The following PCDH15 variants were observed in gnomAD, a reference collection of about 807,000 sequenced individuals.
PCDH15 encodes protocadherin related 15, also known as protocadherin-15.
Under a neutral mutation model 178.5 loss-of-function variants are expected in PCDH15, and 129 were observed. The ratio of observed to expected loss-of-function variants is 0.72; its 90% CI spans 0.63 to 0.84. The LOEUF (loss-of-function observed/expected upper bound fraction) is 0.84. PCDH15 is among the 40% of genes least tolerant of loss of function. The pLI is 0.00. For missense variants in PCDH15, 2,230 were observed against 2,099.9 expected (o/e 1.06, Z -1.21); for synonymous variants, 800 against 732.0 (o/e 1.09, Z -1.50).
In PCDH15 at chr10:55,257,656, G is replaced by A. The variant is rs190105460; in HGVS notation, c.-156+61943C>T. On this transcript the variant is annotated intron_variant, in intron 1 of 5. Transcript: ENST00000458638. Reference sequence around the variant, plus strand: ...AGATCAAATGAATGAAATGAAGTGAGAAGAGAACTTTAGAGAAAAAAGAAT... The same window carrying A: ...AGATCAAATGAATGAAATGAAGTGAAAAGAGAACTTTAGAGAAAAAAGAAT... Among the ~76,000 whole-genome samples the A allele has an allele frequency of 1.4e-4, 22 of 152,316 alleles. No homozygotes were observed. The East Asian group carries it at 4.3e-3, about 29-fold the overall frequency.
At chr10:54,608,483 C>T (rs939981085) in intron 2 of PCDH15, among the ~76,000 whole-genome samples, 5 of 151,806 alleles carry the variant, frequency 3.3e-5, no homozygotes, top group East Asian at 3.9e-4. Context: ...TGGTGACACA[C>T]GCCTATAGTT....
chr10:53,805,869 T>TATC lies in PCDH15; in HGVS notation c.*707_*709dup, dbSNP rs1554814323. ...CTCAAGTGATTAAACTAAACTAAAGTATCTACCATATTTGATATGAGATGA... is the reference window on the plus strand; with the variant it reads ...CTCAAGTGATTAAACTAAACTAAAGTATCATCTACCATATTTGATATGAGATGA... On this transcript the variant is annotated 3_prime_UTR_variant, in exon 38 of 38. Transcript: ENST00000644397. 3 of 152,060 alleles carry TATC rather than the reference T, an allele frequency of 2.0e-5. No individual in the cohort carries two copies. Among genetic ancestry groups the TATC allele is most frequent in the African/African-American group, 4.8e-5 (2 of 41,404 alleles). The allele number at this position is 152,060 out of a possible 1,614,324, so 9.4% of individuals were successfully genotyped here.
chr10:55,504,784 A>G (rs1291414384), intron 2 of PCDH15, among the ~76,000 whole-genome samples: 1 of 151,406 alleles, frequency 6.6e-6, no homozygotes, highest in Non-Finnish European at 1.5e-5. Context: ...ATAATTCAAC[A>G]AATATTTTCT....
intron 2 of PCDH15, among the ~76,000 whole-genome samples, chr10:54,900,384 G>T (rs564832660): frequency 3.9e-5 from 6 of 152,278 alleles, no homozygotes; most frequent in South Asian, 2.1e-4. Context: ...AAACAGGGCA[G>T]ATTGAAGGAG....
At chr10:53,875,637 T>C (rs2080177247) in intron 26 of PCDH15, among the ~76,000 whole-genome samples, 1 of 152,006 alleles carries the variant, frequency 6.6e-6, no homozygotes, top group Non-Finnish European at 1.5e-5. Context: ...TAGTCTAGAG[T>C]TCTTTTAAAA....
chr10:54,007,577 A>C (rs2660179), intron 20 of PCDH15, among the ~76,000 whole-genome samples: 3,278 of 152,260 alleles, frequency 0.022, 97 homozygotes, highest in African/African-American at 0.072. Context: ...TTTGATCATC[A>C]CAGGTTTTGT....
At chr10:54,210,864 C>A (rs929806374) in intron 10 of PCDH15, among the ~76,000 whole-genome samples, 1 of 151,708 alleles carries the variant, frequency 6.6e-6, no homozygotes, top group Non-Finnish European at 1.5e-5. Context: ...AAACATGAAA[C>A]AATTATGCTT....
At chr10:54,886,841 A>G (rs540028466) in intron 3 of PCDH15, among the ~76,000 whole-genome samples, 52 of 152,382 alleles carry the variant, frequency 3.4e-4, no homozygotes, top group Admixed American at 4.6e-4. Flanking sequence ...TTGAAAGGCA[A>G]TAAATAGGCT....
At chr10:54,724,207 T>C (rs1280621240) in intron 1 of PCDH15, among the ~76,000 whole-genome samples, 3 of 151,600 alleles carry the variant, frequency 2.0e-5, no homozygotes, top group Non-Finnish European at 4.4e-5. Context: ...TGTGCAGCCA[T>C]TAAAAAGAAT....
intron 1 of PCDH15, among the ~76,000 whole-genome samples, chr10:55,173,622 C>A (rs965937521): frequency 2.0e-5 from 3 of 151,922 alleles, no homozygotes; most frequent in African/African-American, 7.2e-5. Context: ...TATTGTATAA[C>A]TTTTTAGCAT....
chr10:53,879,987 G>A (rs768393419), intron 26 of PCDH15, among the ~76,000 whole-genome samples: 8 of 152,152 alleles, frequency 5.3e-5, no homozygotes, highest in Admixed American at 2.6e-4. Flanking sequence ...TTTGCTTCAT[G>A]ATAAGCTGAT....
chr10:54,418,634 TTATTA>T (rs1405963202), intron 3 of PCDH15, among the ~76,000 whole-genome samples: 2 of 151,896 alleles, frequency 1.3e-5, no homozygotes, highest in Middle Eastern at 3.2e-3. Flanking sequence ...TGTAACTTTT[TTATTA>T]TATTAGTCAA....
chr10:55,544,160 A>ATATG (rs1554795200), intron 2 of PCDH15, among the ~76,000 whole-genome samples: 4 of 141,386 alleles, frequency 2.8e-5, no homozygotes, highest in African/African-American at 1.0e-4. Context: ...ATATATATAT[A>ATATG]TATATATATA....
chr10:54,858,281 C>G (rs1389133775), intron 3 of PCDH15, among the ~76,000 whole-genome samples: 3 of 152,142 alleles, frequency 2.0e-5, no homozygotes, highest in Admixed American at 2.0e-4. Flanking sequence ...GTTGTGTATA[C>G]ATACTACGAT....
At chr10:54,599,499 A>T (rs2092424269) in intron 2 of PCDH15, among the ~76,000 whole-genome samples, 1 of 152,130 alleles carries the variant, frequency 6.6e-6, no homozygotes, top group South Asian at 2.1e-4. Context: ...CATATACAAA[A>T]ATCAATTCAA....
chr10:54,147,789 C>T (rs956367617), intron 14 of PCDH15, among the ~76,000 whole-genome samples: 2 of 151,878 alleles, frequency 1.3e-5, no homozygotes, highest in African/African-American at 4.8e-5. Context: ...ATCATTGCTA[C>T]TAAACAATTA....
chr10:54,429,324 A>C (rs747581731), intron 3 of PCDH15, among the ~76,000 whole-genome samples: 3 of 152,164 alleles, frequency 2.0e-5, no homozygotes, highest in Admixed American at 6.6e-5. Context: ...CAAATTGAAA[A>C]AATTACAGCA....
At chr10:54,164,641 A>C (rs764373474) in intron 13 of PCDH15, among the ~76,000 whole-genome samples, 6 of 152,188 alleles carry the variant, frequency 3.9e-5, no homozygotes, top group Admixed American at 6.5e-5. Flanking sequence ...GGGAATTCCA[A>C]CTTCTTAGTG....
chr10:54,477,187 A>G (rs1347066821), intron 3 of PCDH15, among the ~76,000 whole-genome samples: 2 of 152,154 alleles, frequency 1.3e-5, no homozygotes, highest in Non-Finnish European at 2.9e-5. Context: ...CTTAAATACT[A>G]CAAAATAGTT....
Sources: allele counts gnomAD v4.1 joint callset (sites outside exome capture counted in the v4.1 genomes callset), GRCh38; gene constraint gnomAD v4.1.1; transcripts MANE v1.5; gene names NCBI Gene and HGNC (gene_info 2026-07-23, HGNC 2026-07-21).